Variants in FLT3 observed in about 807,000 individuals in gnomAD.
The protein encoded by FLT3 is receptor-type tyrosine-protein kinase FLT3.
Under a neutral mutation model 126.6 loss-of-function variants are expected in FLT3, and 46 were observed. The ratio of observed to expected loss-of-function variants is 0.36; its 90% CI spans 0.29 to 0.46. FLT3 has a LOEUF of 0.46. FLT3 is among the 20% of genes least tolerant of loss of function. The pLI is 1.00. For synonymous variants in FLT3, 404 were observed against 434.4 expected (o/e 0.93, Z 0.87); for missense variants, 1,069 against 1,190.3 (o/e 0.90, Z 1.50).
intron 1 of FLT3, among the ~76,000 whole-genome samples, chr13:28,087,627 C>T (rs985673991): frequency 6.6e-6 from 1 of 152,068 alleles, no homozygotes; most frequent in Admixed American, 6.6e-5. Context: ...TCTTCCTTTC[C>T]TCCATTCTCT....
At chr13:28,093,175 C>G (rs541482116) in intron 1 of FLT3, among the ~76,000 whole-genome samples, 1 of 151,710 alleles carries the variant, frequency 6.6e-6, no homozygotes, top group Non-Finnish European at 1.5e-5. Context: ...ATCCACTCAC[C>G]TTGGCCTCCC....
At chr13:28,040,957 C>T (rs1405173233) in intron 9 of FLT3, among the ~76,000 whole-genome samples, 1 of 133,792 alleles carries the variant, frequency 7.5e-6, no homozygotes, top group Admixed American at 7.6e-5. Context: ...GAGCAAGACC[C>T]GGACTCAAAA....
intron 1 of FLT3, among the ~76,000 whole-genome samples, chr13:28,097,145 G>A (rs1360536180): frequency 1.3e-5 from 2 of 151,946 alleles, no homozygotes; most frequent in East Asian, 3.9e-4. Context: ...GAGCCCAGGA[G>A]GTTGAAGCTG....
intron 23 of FLT3, among the ~76,000 whole-genome samples, chr13:28,004,797 T>C (rs1242921475): frequency 1.3e-5 from 2 of 152,166 alleles, no homozygotes; most frequent in Admixed American, 1.3e-4. Flanking sequence ...TTATTGAGTC[T>C]ACTCTCAGAT....
intron 1 of FLT3, among the ~76,000 whole-genome samples, chr13:28,095,703 T>A (rs1305972269): frequency 6.6e-6 from 1 of 152,150 alleles, no homozygotes; most frequent in East Asian, 1.9e-4. Flanking sequence ...ATTAAGGCAA[T>A]GTCTGGTAGG....
At chr13:28,048,851 A>T (rs1044531161) in intron 8 of FLT3, among the ~76,000 whole-genome samples, 4 of 152,182 alleles carry the variant, frequency 2.6e-5, no homozygotes, top group Non-Finnish European at 5.9e-5. Context: ...TGCTAAGAGC[A>T]TCGCTGTATT....
intron 1 of FLT3, among the ~76,000 whole-genome samples, chr13:28,088,827 G>T (rs912238080): frequency 6.7e-6 from 1 of 149,430 alleles, no homozygotes; most frequent in African/African-American, 2.5e-5. Flanking sequence ...CTGGTGATCC[G>T]CCTGCCTCGG....
intron 9 of FLT3, among the ~76,000 whole-genome samples, chr13:28,046,032 G>A (rs1329254509): frequency 6.6e-6 from 1 of 151,740 alleles, no homozygotes; most frequent in Non-Finnish European, 1.5e-5. Flanking sequence ...ATGTGCTCCT[G>A]GCATCCAGTG....
chr13:28,036,292 T>C (rs1000144711), intron 10 of FLT3, among the ~76,000 whole-genome samples: 1 of 152,228 alleles, frequency 6.6e-6, no homozygotes, highest in African/African-American at 2.4e-5. Flanking sequence ...CCAGGGCAGT[T>C]TGTGCTTCTG....
chr13:28,024,128 T>A (rs1334493396), intron 18 of FLT3, among the ~76,000 whole-genome samples: 2 of 100,542 alleles, frequency 2.0e-5, no homozygotes, highest in Non-Finnish European at 4.7e-5. Context: ...CCTTTTTTTT[T>A]CTTTCTTTCT....
At chr13:28,098,314 C>CAA (rs55675449) in intron 1 of FLT3, among the ~76,000 whole-genome samples, 104 of 85,032 alleles carry the variant, frequency 1.2e-3, no homozygotes, top group Non-Finnish European at 1.9e-3. Flanking sequence ...GACTCCGTCT[C>CAA]AAAAAAAAAA....
chr13:28,070,506 T>C lies in FLT3; in HGVS notation c.150A>G (p.Ser50=). The C allele has an allele frequency of 6.2e-7, 1 of 1,610,270 alleles. No homozygotes were observed. Among genetic ancestry groups the C allele is most frequent in the East Asian group, 2.2e-5 (1 of 44,806 alleles). The part of the protein sequence containing the change: ...HKNNDSSVGK[S]SSYPMVSESP... Reference sequence around the variant, plus strand: ...GTTACTTTACCATGGGATATGATGATGACTTCCCCACTGATGAATCATTGT... The same window carrying C: ...GTTACTTTACCATGGGATATGATGACGACTTCCCCACTGATGAATCATTGT... The change falls in exon 2 of 24, where the codon TCA becomes TCG. Residue 50 remains serine (S), a synonymous_variant. Transcript: ENST00000241453.
intron 17 of FLT3, chr13:28,025,400 A>T (rs1335961783): frequency 2.2e-6 from 1 of 454,830 alleles, no homozygotes; most frequent in Admixed American, 2.4e-5. Flanking sequence ...GCCTTTGTAA[A>T]GCTCATTTCT....
intron 8 of FLT3, 100 bp from the exon 9 acceptor site, chr13:28,048,543 A>AGTTTTCCTGTGTT: frequency 1.2e-6 from 1 of 828,962 alleles, no homozygotes; most frequent in Non-Finnish European, 1.9e-6. Context: ...TTAACACAGG[A>AGTTTTCCTGTGTT]AAACTCAAGT....
chr13:28,066,383 C>G (rs1322214057), intron 2 of FLT3, among the ~76,000 whole-genome samples: 1 of 152,188 alleles, frequency 6.6e-6, no homozygotes, highest in Admixed American at 6.5e-5. Flanking sequence ...ATACTACCCC[C>G]CAGAGAAGCC....
At chr13:28,024,719 T>C (rs1593227878) in intron 18 of FLT3, 142 bp downstream of exon 18, 2 of 607,804 alleles carry the variant, frequency 3.3e-6, no homozygotes, top group East Asian at 5.6e-5. Flanking sequence ...ATCTACAGTA[T>C]ACAAACTGGC....
chr13:28,072,259 A>G (rs1384377653), intron 1 of FLT3, among the ~76,000 whole-genome samples: 1 of 151,846 alleles, frequency 6.6e-6, no homozygotes, highest in East Asian at 1.9e-4. Context: ...ATAAGTATAT[A>G]CACATATACA....
intron 20 of FLT3, among the ~76,000 whole-genome samples, chr13:28,017,889 C>T (rs971622749): frequency 2.6e-5 from 4 of 152,140 alleles, no homozygotes; most frequent in African/African-American, 9.7e-5. Context: ...TGGTATCGAA[C>T]TCCTGACCTC....
intron 17 of FLT3, 80 bp from the exon 18 acceptor site, chr13:28,025,023 A>G (rs1872691764): frequency 1.3e-6 from 1 of 795,616 alleles, no homozygotes; most frequent in Non-Finnish European, 2.2e-6. Context: ...AATTCATCAA[A>G]TAAATGGATT....
Sources: gnomAD v4.1 joint callset for allele counts (sites outside exome capture counted in the v4.1 genomes callset) on GRCh38, gnomAD v4.1.1 for gene constraint, MANE v1.5 for transcripts, NCBI Gene and HGNC (gene_info 2026-07-23, HGNC 2026-07-21) for gene names.